The following PRH1 variants were observed in gnomAD, a reference collection of about 807,000 sequenced individuals.
The protein encoded by PRH1 is proline rich protein HaeIII subfamily 1, also known as salivary acidic proline-rich phosphoprotein 1/2.
In PRH1, 7 loss-of-function variants were observed where a neutral mutation model predicts 7.9. The ratio of observed to expected loss-of-function variants is 0.89; its 90% confidence interval spans 0.50 to 1.67. PRH1 has a LOEUF of 1.67. Ranked by LOEUF, PRH1 falls within the 40% of genes most tolerant of loss-of-function variation. The pLI, the probability that PRH1 is intolerant of heterozygous loss-of-function variation, is 0.00. For synonymous variants in PRH1, 45 were observed against 80.8 expected, an observed-to-expected ratio of 0.56 and a Z score of 2.38; for missense variants, 109 against 223.6, an observed-to-expected ratio of 0.49 and a Z score of 3.27.
At chr12:10,902,812 C>T (rs1315824049) in intron 2 of PRH1, among the ~76,000 whole-genome samples, 1 of 152,026 alleles carries the variant, frequency 6.6e-6, no homozygotes, top group Non-Finnish European at 1.5e-5. Flanking sequence ...CTTTTATAGA[C>T]AAGCAAAGGG....
chr12:10,943,118 C>A (rs963765526), intron 2 of PRH1, among the ~76,000 whole-genome samples: 14 of 152,194 alleles, frequency 9.2e-5, no homozygotes, highest in Non-Finnish European at 1.9e-4. Flanking sequence ...TCTCGCATTT[C>A]CTGATTTTTT....
At chr12:11,011,598 A>ATG (rs1941071979) in intron 1 of PRH1, among the ~76,000 whole-genome samples, 1 of 151,798 alleles carries the variant, frequency 6.6e-6, no homozygotes, top group Non-Finnish European at 1.5e-5. Context: ...AACCCAACTC[A>ATG]TAATTCCTAC....
At chr12:11,032,857 C>T (rs1321014244) in intron 1 of PRH1, among the ~76,000 whole-genome samples, 1 of 152,138 alleles carries the variant, frequency 6.6e-6, no homozygotes, top group East Asian at 1.9e-4. Flanking sequence ...CTTTGATAAA[C>T]AGAAAATTAC....
rs1192976265 is a variant in PRH1 at position 10,884,167 on chromosome 12, C to T, written c.51G>A (p.Gln17=). ...SVALLAFSSA[Q]DLNEDVSQED... is the part of the protein sequence containing the mutation. ...AATTCATCTTACCTTCATTTAAATCCTGAGCTGAGCTGAAGGCCAGCAGGG... is the reference window on the plus strand; with the variant it reads ...AATTCATCTTACCTTCATTTAAATCTTGAGCTGAGCTGAAGGCCAGCAGGG... The change falls in exon 1 of 4, where the codon CAG becomes CAA. Residue 17 remains glutamine, a synonymous_variant. Coordinates refer to ENST00000543626, the MANE Select transcript of PRH1 (RefSeq NM_001393989.1). 6.2e-7 allele frequency: 1 copy of T among 1,614,008 alleles called. No individual in the cohort carries two copies. The highest frequency in any genetic ancestry group is 8.5e-7 in the Non-Finnish European group (1 of 1,180,020).
At chr12:10,969,497 C>G (rs1044205305) in intron 2 of PRH1, among the ~76,000 whole-genome samples, 4 of 152,160 alleles carry the variant, frequency 2.6e-5, no homozygotes, top group Admixed American at 6.5e-5. Context: ...GCTCCTATCA[C>G]CTTCACATAG....
intron 1 of PRH1, among the ~76,000 whole-genome samples, chr12:11,023,483 A>C (rs72475482): frequency 1.3e-5 from 2 of 148,692 alleles, no homozygotes; most frequent in African/African-American, 4.9e-5. Flanking sequence ...TTTTGTAAAT[A>C]TTTCTAAGTA....
At chr12:11,149,240 C>A (rs1435554675) in intron 1 of PRH1, among the ~76,000 whole-genome samples, 1 of 152,092 alleles carries the variant, frequency 6.6e-6, no homozygotes, top group African/African-American at 2.4e-5. Flanking sequence ...AAAACCAGCT[C>A]CTGGATTCAT....
rs75677354 is a variant in PRH1, at chr12:11,128,930, T to C, written n.40-7750A>G. ...GACACCAGTGAGAACTTCCACCTTT[T>C]TTTTTGTTCTGAGACAGCATCTCCC... On this transcript the variant is annotated intron_variant and non_coding_transcript_variant, in intron 1 of 1. Coordinates refer to the PRH1 transcript ENST00000541175. Among the ~76,000 whole-genome samples, 1,464 of 151,802 alleles carry C rather than the reference T, an allele frequency of 9.6e-3. 23 individuals are homozygous for C. The highest frequency in any genetic ancestry group is 0.033 in the African/African-American group (1,351 of 41,440).
At chr12:11,090,409 A>G (rs1233748123) in intron 1 of PRH1, among the ~76,000 whole-genome samples, 1 of 115,510 alleles carries the variant, frequency 8.7e-6, no homozygotes, top group African/African-American at 2.9e-5. Flanking sequence ...TCAGGGGCTT[A>G]AAAGTGCTTT....
rs1565704153 is a variant in PRH1 at position 11,148,221 on chromosome 12, TGTC to T, written n.39+23198_39+23200del. Among the ~76,000 whole-genome samples the T allele has an allele frequency of 2.7e-5, 4 of 149,982 alleles. No homozygotes were observed. The South Asian group carries it at 8.5e-4, about 32-fold the overall frequency. On this transcript the variant is annotated intron_variant and non_coding_transcript_variant, in intron 1 of 1. Transcript: ENST00000541175. The stretch of plus-strand genomic sequence containing the variant: ...ATGGGATTTTCTAGATATACAATCA[TGTC>T]GTCTGCAAACAGGGACAATTTGACT...
intron 1 of PRH1, among the ~76,000 whole-genome samples, chr12:11,141,594 G>A (rs1489210653): frequency 6.6e-6 from 1 of 152,094 alleles, no homozygotes; most frequent in African/African-American, 2.4e-5. Flanking sequence ...ACTACTCTAT[G>A]CCTTGGTATA....
At chr12:11,071,617 T>C (rs1424247517) in intron 1 of PRH1, among the ~76,000 whole-genome samples, 1 of 152,212 alleles carries the variant, frequency 6.6e-6, no homozygotes, top group Non-Finnish European at 1.5e-5. Flanking sequence ...GATTACCCTC[T>C]AATGGTGTTG....
At chr12:11,043,302 A>T (rs559219308) in intron 1 of PRH1, among the ~76,000 whole-genome samples, 1 of 152,192 alleles carries the variant, frequency 6.6e-6, no homozygotes, top group Non-Finnish European at 1.5e-5. Flanking sequence ...TCTAAACATA[A>T]TAAAAATCAT....
At chr12:10,983,317 A>C (rs961531628) in intron 1 of PRH1, among the ~76,000 whole-genome samples, 4 of 152,240 alleles carry the variant, frequency 2.6e-5, no homozygotes, top group African/African-American at 7.2e-5. Context: ...GACCCTGTGC[A>C]ACTGTGAAGT....
intron 2 of PRH1, chr12:10,908,217 C>A: frequency 1.9e-6 from 1 of 535,158 alleles, no homozygotes; most frequent in Non-Finnish European, 3.2e-6. Flanking sequence ...ACATAATATT[C>A]TTAGGTAAGA....
At chr12:11,081,691 T>G (rs1200283265) in intron 1 of PRH1, among the ~76,000 whole-genome samples, 25 of 106,322 alleles carry the variant, frequency 2.4e-4, no homozygotes, top group Non-Finnish European at 3.4e-4. Flanking sequence ...ATAAAATATA[T>G]TTCACCAACC....
At chr12:10,921,602 A>G (rs1591680347) in intron 2 of PRH1, among the ~76,000 whole-genome samples, 2 of 152,062 alleles carry the variant, frequency 1.3e-5, no homozygotes, top group African/African-American at 4.8e-5. Flanking sequence ...ATTGTCTATT[A>G]TATTTTGATT....
chr12:10,889,181 T>A (rs1029063702), upstream of PRH1, among the ~76,000 whole-genome samples: 5 of 152,240 alleles, frequency 3.3e-5, no homozygotes, highest in African/African-American at 1.2e-4. Context: ...TGGCTATTAT[T>A]TAAAGATAGG....
At chr12:11,133,698 C>T (rs1363954317) in intron 1 of PRH1, 3 of 1,614,232 alleles carry the variant, frequency 1.9e-6, no homozygotes, top group Non-Finnish European at 2.5e-6. Context: ...ACAAAGTTTG[C>T]TAGCATGGTT....
Sources: gnomAD v4.1 joint callset for allele counts (sites outside exome capture counted in the v4.1 genomes callset) on GRCh38, gnomAD v4.1.1 for gene constraint, MANE v1.5 for transcripts, NCBI Gene and HGNC (gene_info 2026-07-23, HGNC 2026-07-21) for gene names.